CELF2: variants seen among roughly 807,000 people sequenced by gnomAD.
The protein encoded by CELF2 is CUGBP Elav-like family member 2.
In CELF2, 8 loss-of-function variants were observed where a neutral mutation model predicts 62.6. That is an observed-to-expected ratio of 0.13 (90% confidence interval 0.07 to 0.23). The LOEUF (loss-of-function observed/expected upper bound fraction) is 0.23, where lower values mean the gene tolerates loss of function less well. Ranked by LOEUF, CELF2 falls within the 10% of genes least tolerant of loss-of-function variation. The pLI, the probability that CELF2 is intolerant of heterozygous loss-of-function variation, is 1.00. For synonymous variants in CELF2, 258 were observed against 250.0 expected (o/e 1.03, Z -0.30); for missense variants, 333 against 671.0 (o/e 0.50, Z 5.56).
At chr10:10,725,343 C>T in the CELF2 span, among the ~76,000 whole-genome samples, 1 of 152,114 alleles carries the variant, frequency 6.6e-6, no homozygotes, top group Non-Finnish European at 1.5e-5. Context: ...AAACTGAATC[C>T]AAGTGGTCGA....
the CELF2 span, among the ~76,000 whole-genome samples, chr10:10,732,849 A>G: frequency 6.6e-6 from 1 of 152,124 alleles, no homozygotes; most frequent in African/African-American, 2.4e-5. Flanking sequence ...TGGAAAAGTC[A>G]AGAATCTGAA....
At chr10:10,770,689 G>A in the CELF2 span, among the ~76,000 whole-genome samples, 1 of 149,890 alleles carries the variant, frequency 6.7e-6, no homozygotes, top group Non-Finnish European at 1.5e-5. Flanking sequence ...GCCCCATTTA[G>A]TACCAGCCCT....
the CELF2 span, among the ~76,000 whole-genome samples, chr10:10,475,773 A>C: frequency 1.3e-5 from 2 of 152,136 alleles, no homozygotes; most frequent in Non-Finnish European, 2.9e-5. Flanking sequence ...TAAAAGACTT[A>C]ACTTTTAAAT....
intron 3 of CELF2, among the ~76,000 whole-genome samples, chr10:11,218,280 T>C (rs2063847571): frequency 6.6e-6 from 1 of 152,226 alleles, no homozygotes; most frequent in Non-Finnish European, 1.5e-5. Flanking sequence ...GAAGCACCTG[T>C]GGTAACCAGT....
chr10:10,626,166 C>T, the CELF2 span, among the ~76,000 whole-genome samples: 4 of 152,122 alleles, frequency 2.6e-5, no homozygotes, highest in Admixed American at 6.5e-5. Context: ...TGAGTGCCTA[C>T]ATCCAAGGGT....
At chr10:10,978,740 A>G (rs1488155702) in intron 2 of CELF2, among the ~76,000 whole-genome samples, 1 of 152,218 alleles carries the variant, frequency 6.6e-6, no homozygotes, top group African/African-American at 2.4e-5. Context: ...ATGGTAGGCC[A>G]ATACCCTAAG....
At chr10:10,803,094 CT>C (rs2054835488) in intron 1 of CELF2, among the ~76,000 whole-genome samples, 1 of 152,196 alleles carries the variant, frequency 6.6e-6, no homozygotes, top group Non-Finnish European at 1.5e-5. Context: ...ACTCTGTCCA[CT>C]TTTTTCCACC....
At chr10:10,711,893 G>C in the CELF2 span, among the ~76,000 whole-genome samples, 1 of 151,926 alleles carries the variant, frequency 6.6e-6, no homozygotes, top group African/African-American at 2.4e-5. Flanking sequence ...TAAAAAGAAA[G>C]AAAACAAATA....
the CELF2 span, among the ~76,000 whole-genome samples, chr10:10,693,797 G>A: frequency 6.6e-5 from 10 of 151,648 alleles, no homozygotes; most frequent in East Asian, 1.9e-4. Flanking sequence ...GTTTATTTGC[G>A]TAGAGGTGTT....
intron 1 of CELF2, among the ~76,000 whole-genome samples, chr10:10,813,982 A>C (rs1343425548): frequency 6.6e-6 from 1 of 152,072 alleles, no homozygotes; most frequent in Non-Finnish European, 1.5e-5. Flanking sequence ...GATGAGAGAG[A>C]GAGAGCTGGG....
intron 2 of CELF2, among the ~76,000 whole-genome samples, chr10:10,955,944 G>A (rs1042336378): frequency 5.3e-5 from 8 of 152,114 alleles, no homozygotes; most frequent in Admixed American, 1.3e-4. Context: ...ACACTAACCC[G>A]AGCCCCCTGG....
At chr10:10,659,852 T>G in the CELF2 span, among the ~76,000 whole-genome samples, 1 of 152,192 alleles carries the variant, frequency 6.6e-6, no homozygotes, top group East Asian at 1.9e-4. Context: ...TTAGCAGGGT[T>G]GATTAAGGAT....
chr10:10,569,898 C>T, the CELF2 span, among the ~76,000 whole-genome samples: 11 of 152,220 alleles, frequency 7.2e-5, no homozygotes, highest in Non-Finnish European at 1.5e-4. Context: ...ACCTTGCTAC[C>T]CAGCAGAGAC....
intron 2 of CELF2, among the ~76,000 whole-genome samples, chr10:11,188,182 C>T (rs191292215): frequency 1.2e-3 from 177 of 152,236 alleles, no homozygotes; most frequent in Middle Eastern, 3.4e-3. Context: ...CTCAGCTCAC[C>T]GCAACCTCCG....
intron 1 of CELF2, chr10:10,845,972 T>C (rs1199806570): frequency 9.4e-6 from 2 of 212,188 alleles, no homozygotes; most frequent in Non-Finnish European, 1.6e-5. Flanking sequence ...ATTAATTCAA[T>C]ATGGTACATC....
At chr10:11,006,548 G>A (rs1009396210) in intron 1 of CELF2, among the ~76,000 whole-genome samples, 4 of 152,196 alleles carry the variant, frequency 2.6e-5, no homozygotes, top group Admixed American at 2.6e-4. Context: ...AAAGCTTGGG[G>A]ATTTTTAATT....
At chr10:10,849,097 A>T (rs1318431959) in intron 1 of CELF2, among the ~76,000 whole-genome samples, 1 of 152,096 alleles carries the variant, frequency 6.6e-6, no homozygotes, top group Non-Finnish European at 1.5e-5. Flanking sequence ...TCAAACTTGT[A>T]GAAAAACTGT....
chr10:11,129,052 A>G (rs753019257), intron 1 of CELF2, among the ~76,000 whole-genome samples: 16 of 152,296 alleles, frequency 1.1e-4, no homozygotes, highest in Non-Finnish European at 2.1e-4. Context: ...GATGTGTTCC[A>G]TCAATACCTA....
intron 1 of CELF2, among the ~76,000 whole-genome samples, chr10:10,840,353 G>A (rs561699124): frequency 1.6e-4 from 25 of 152,224 alleles, no homozygotes; most frequent in East Asian, 9.6e-4. Flanking sequence ...TTGTTGCTCC[G>A]CATCCTCACC....
Sources: allele counts gnomAD v4.1 joint callset (sites outside exome capture counted in the v4.1 genomes callset), GRCh38; gene constraint gnomAD v4.1.1; transcripts MANE v1.5; gene names NCBI Gene and HGNC (gene_info 2026-07-23, HGNC 2026-07-21).